Variants in MOXD1 observed in about 807,000 individuals in gnomAD.
The protein encoded by MOXD1 is monooxygenase DBH like 1.
A neutral mutation model predicts 66.6 loss-of-function variants in MOXD1; 62 were observed. The ratio of observed to expected loss-of-function variants is 0.93; its 90% confidence interval spans 0.76 to 1.15. The LOEUF (loss-of-function observed/expected upper bound fraction) is 1.15, where lower values mean the gene tolerates loss of function less well. MOXD1 is among the 50% of genes most tolerant of loss of function. MOXD1 has a pLI of 0.00. For synonymous variants in MOXD1, 303 were observed against 281.9 expected (o/e 1.07, Z -0.75); for missense variants, 847 against 754.6 (o/e 1.12, Z -1.44).
At chr6:132,364,871 GC>G (rs1776088292) in intron 4 of MOXD1, among the ~76,000 whole-genome samples, 1 of 152,084 alleles carries the variant, frequency 6.6e-6, no homozygotes, top group African/African-American at 2.4e-5. Context: ...TAAATTGCTT[GC>G]CCTGGATTCC....
intron 4 of MOXD1, among the ~76,000 whole-genome samples, chr6:132,330,792 G>A (rs897847469): frequency 1.3e-5 from 2 of 152,080 alleles, no homozygotes; most frequent in Non-Finnish European, 2.9e-5. Context: ...TTTCTCCACA[G>A]TTTTTCTCTT....
intron 4 of MOXD1, among the ~76,000 whole-genome samples, chr6:132,331,535 C>T (rs145002306): frequency 1.7e-3 from 260 of 152,032 alleles, no homozygotes; most frequent in Non-Finnish European, 2.9e-3. Flanking sequence ...AAAACTAACA[C>T]CAAACTGCAA....
chr6:132,362,922 C>T (rs966989160), intron 4 of MOXD1, among the ~76,000 whole-genome samples: 17 of 152,134 alleles, frequency 1.1e-4, no homozygotes, highest in Admixed American at 7.9e-4. Context: ...TTAAAGACTT[C>T]CTAAATCACA....
chr6:132,318,693 T>G (rs1775008941), intron 9 of MOXD1, among the ~76,000 whole-genome samples: 1 of 152,098 alleles, frequency 6.6e-6, no homozygotes, highest in Non-Finnish European at 1.5e-5. Flanking sequence ...ATCTTTAATT[T>G]ACAGTTTGTG....
At chr6:132,328,199 G>T (rs1775231094) in intron 5 of MOXD1, 84 bp from the exon 6 acceptor site, 1 of 1,313,340 alleles carries the variant, frequency 7.6e-7, no homozygotes, top group Non-Finnish European at 1.1e-6. Flanking sequence ...CATCTTCAAG[G>T]ATATTTCAAC....
intron 1 of MOXD1, 25 bp downstream of exon 1, chr6:132,401,138 G>T: frequency 6.8e-7 from 1 of 1,474,486 alleles, no homozygotes; most frequent in Admixed American, 2.2e-5. Flanking sequence ...TCGGCCGGGC[G>T]GGCTCCGGGA....
intron 1 of MOXD1, among the ~76,000 whole-genome samples, chr6:132,395,418 G>T (rs1025512220): frequency 1.3e-5 from 2 of 151,908 alleles, no homozygotes; most frequent in Admixed American, 1.3e-4. Context: ...TACCACTACA[G>T]AAAAACCACA....
chr6:132,370,762 T>G (rs1376405764), intron 4 of MOXD1, among the ~76,000 whole-genome samples: 1 of 152,132 alleles, frequency 6.6e-6, no homozygotes, highest in African/African-American at 2.4e-5. Context: ...AATGCAAATG[T>G]CTAGTGAAGA....
intron 1 of MOXD1, among the ~76,000 whole-genome samples, chr6:132,377,442 AAT>A (rs1256508599): frequency 2.6e-5 from 4 of 152,216 alleles, no homozygotes; most frequent in African/African-American, 9.7e-5. Context: ...GAGTCTTGCA[AAT>A]ATGTTTCCAA....
chr6:132,297,223 C>G lies in MOXD1; in HGVS notation c.1772G>C (p.Arg591Thr), dbSNP rs762820705. The change falls in exon 12 of 12, where the codon AGA (arginine) becomes ACA (threonine). Residue 591 changes from arginine to threonine, a missense_variant. Transcript: ENST00000367963. ...AACAAGCAAGTTGATGGAGAAATCTCTGTGCAGGGAAGAGGAAGAAGACGT... is the reference window on the plus strand; with the variant it reads ...AACAAGCAAGTTGATGGAGAAATCTGTGTGCAGGGAAGAGGAAGAAGACGT... ...CGTSSSSSLH[R>T]DFSINLLVCL... is the part of the protein sequence containing the mutation. 1 of 1,613,646 alleles carries G rather than the reference C, an allele frequency of 6.2e-7. No homozygotes were observed. The highest frequency in any genetic ancestry group is 8.5e-7 in the Non-Finnish European group (1 of 1,179,706).
intron 1 of MOXD1, chr6:132,392,194 CA>C: frequency 6.3e-7 from 1 of 1,582,848 alleles, no homozygotes; most frequent in South Asian, 1.2e-5. Flanking sequence ...TCTGTGATTT[CA>C]AATCAGTTCC....
chr6:132,305,489 A>T (rs939642777), intron 10 of MOXD1, among the ~76,000 whole-genome samples: 1 of 152,206 alleles, frequency 6.6e-6, no homozygotes, highest in African/African-American at 2.4e-5. Context: ...TCTCCCAACA[A>T]GGCACACACC....
intron 4 of MOXD1, among the ~76,000 whole-genome samples, chr6:132,344,911 T>G (rs1488227839): frequency 6.6e-6 from 1 of 152,142 alleles, no homozygotes; most frequent in Non-Finnish European, 1.5e-5. Flanking sequence ...TCTTCAGTTG[T>G]CCAAGTAATC....
At chr6:132,398,640 T>C (rs1483401456) in intron 1 of MOXD1, among the ~76,000 whole-genome samples, 3 of 152,076 alleles carry the variant, frequency 2.0e-5, no homozygotes, top group Non-Finnish European at 4.4e-5. Flanking sequence ...ATATGCTACA[T>C]TTAAGAATCC....
At chr6:132,304,530 C>G in intron 10 of MOXD1, among the ~76,000 whole-genome samples, 1 of 152,150 alleles carries the variant, frequency 6.6e-6, no homozygotes, top group African/African-American at 2.4e-5. Context: ...GCAACTGGGA[C>G]ATGTACAGTA....
intron 10 of MOXD1, among the ~76,000 whole-genome samples, chr6:132,303,770 C>CATATATACACATAT (rs1562276257): frequency 9.3e-6 from 1 of 107,368 alleles, no homozygotes; most frequent in African/African-American, 3.8e-5. Flanking sequence ...TATATATATA[C>CATATATACACATAT]ATACATATAT....
intron 10 of MOXD1, among the ~76,000 whole-genome samples, chr6:132,310,849 G>A (rs534762556): frequency 7.2e-5 from 11 of 152,208 alleles, no homozygotes; most frequent in Middle Eastern, 3.4e-3. Context: ...CCTGTTGGGG[G>A]ATGGGGGGTG....
At chr6:132,318,842 T>C (rs1195521431) in intron 9 of MOXD1, among the ~76,000 whole-genome samples, 1 of 152,058 alleles carries the variant, frequency 6.6e-6, no homozygotes, top group African/African-American at 2.4e-5. Flanking sequence ...TTTTATGCAT[T>C]GTGTGAAATT....
At chr6:132,350,804 C>G (rs2114625599) in intron 4 of MOXD1, among the ~76,000 whole-genome samples, 2 of 152,230 alleles carry the variant, frequency 1.3e-5, no homozygotes, top group South Asian at 4.1e-4. Context: ...TTTCTTTCAG[C>G]AGTGTTTTGT....
Sources: gnomAD v4.1 joint callset for allele counts (sites outside exome capture counted in the v4.1 genomes callset) on GRCh38, gnomAD v4.1.1 for gene constraint, MANE v1.5 for transcripts, NCBI Gene and HGNC (gene_info 2026-07-23, HGNC 2026-07-21) for gene names.